GPRC5B: variants seen among roughly 807,000 people sequenced by gnomAD.
The protein encoded by GPRC5B is G protein-coupled receptor family C group 5 member B.
In GPRC5B, 16 loss-of-function variants were observed where a neutral mutation model predicts 30.1. The observed-to-expected ratio is 0.53, with a 90% CI of 0.36 to 0.81. The LOEUF (loss-of-function observed/expected upper bound fraction) is 0.81, where lower values mean the gene tolerates loss of function less well. Among genes scored for constraint, GPRC5B ranks in the 30% least tolerant of loss-of-function variants. The pLI is 0.01. For synonymous variants in GPRC5B, 241 were observed against 239.5 expected (o/e 1.01, Z -0.06); for missense variants, 428 against 544.7 (o/e 0.79, Z 2.13).
intron 1 of GPRC5B, among the ~76,000 whole-genome samples, chr16:19,878,756 G>T (rs576636960): frequency 2.0e-5 from 3 of 152,174 alleles, no homozygotes; most frequent in African/African-American, 7.2e-5. Flanking sequence ...GATAAATGTG[G>T]TCTCCAAACC....
rs909734381 is a variant in GPRC5B at position 19,872,949 on chromosome 16, C to T, written c.-1-103G>A. On this transcript the variant is annotated intron_variant, in intron 1 of 3. Coordinates refer to ENST00000300571, the MANE Select transcript of GPRC5B (RefSeq NM_016235.3). The surrounding 1 kb of genome is among the most constrained non-coding windows in gnomAD (Gnocchi z 5.0). Reference sequence around the variant, plus strand: ...TGAAGAAGACTCGCCTCATTTCAAACCTGCAAGCGCACACGGCACCTTTGC... The same window carrying T: ...TGAAGAAGACTCGCCTCATTTCAAATCTGCAAGCGCACACGGCACCTTTGC... The T allele has an allele frequency of 2.4e-6, 2 of 816,926 alleles. No homozygotes were observed. The highest frequency in any genetic ancestry group is 1.7e-5 in the African/African-American group (1 of 58,660). The allele number at this position is 816,926 out of a possible 1,614,324, so 50.6% of individuals were successfully genotyped here. A position where few individuals can be genotyped will look rare whatever the true frequency, so the allele number is the denominator to read the frequency against.
rs184157499 is a variant in GPRC5B at position 19,877,968 on chromosome 16, G to A, written c.-1-5122C>T. 1.3e-3 allele frequency among the ~76,000 whole-genome samples: 195 copies of A among 152,038 alleles called. 5 individuals carry two copies. The South Asian group carries it at 0.026, about 20-fold the overall frequency. Reference sequence around the variant, plus strand: ...AATCCCAGCACTCTGGGAGGCCGAGGCAGGCAGATCATTTAAGGACAGAAG... The same window carrying A: ...AATCCCAGCACTCTGGGAGGCCGAGACAGGCAGATCATTTAAGGACAGAAG... On this transcript the variant is annotated intron_variant, in intron 1 of 3. Transcript: ENST00000300571.
Position 19,872,674 on chromosome 16 carries a change from C to T in GPRC5B, c.172G>A (p.Val58Met). 4.3e-6 allele frequency: 7 copies of T among 1,614,176 alleles called. No individual in the cohort carries two copies. Among genetic ancestry groups the T allele is most frequent in the Non-Finnish European group, 5.9e-6 (7 of 1,180,046 alleles). The change falls in exon 2 of 4, where the codon GTG (valine) becomes ATG (methionine). Residue 58 changes from valine to methionine, a missense_variant. Physicochemically the swap from Val to Met is conservative, Grantham distance 21. Transcript: ENST00000300571. This position sits in a 1 kb window ranked among gnomAD's most constrained non-coding sequence, Gnocchi z 5.0. ...CCCGCCCCGGCCACCGCCTCCACCACAATGCCCCAGATGGCGTCCAGGTCG... is the reference window on the plus strand; with the variant it reads ...CCCGCCCCGGCCACCGCCTCCACCATAATGCCCCAGATGGCGTCCAGGTCG... ...LCDLDAIWGIVVEAVAGAGAL... is the reference protein window; with the variant it reads ...LCDLDAIWGIMVEAVAGAGAL...
Position 19,860,218 on chromosome 16 carries a change from CTAATA to C in GPRC5B, c.*277_*281del. 1 of 394,070 alleles carries C rather than the reference CTAATA, an allele frequency of 2.5e-6. No homozygotes were observed. Among genetic ancestry groups the C allele is most frequent in the South Asian group, 2.6e-5 (1 of 38,322 alleles). The allele number at this position is 394,070 out of a possible 1,614,324, so 24.4% of individuals were successfully genotyped here. Reference sequence around the variant, plus strand: ...TTCCCAGCCACATTTTCCAGTGAGCCTAATACTATTTGCAATTAGCTTTGCTTTAG... The same window carrying C: ...TTCCCAGCCACATTTTCCAGTGAGCCCTATTTGCAATTAGCTTTGCTTTAG... On this transcript the variant is annotated 3_prime_UTR_variant, in exon 4 of 4. Transcript: ENST00000300571.
upstream of GPRC5B, chr16:19,884,929 C>G: frequency 1.1e-6 from 1 of 933,426 alleles, no homozygotes. Context: ...GCCCCCGCCC[C>G]CGCCCCCGGC....
At chr16:19,882,236 GGTTA>G (rs1358268229) in intron 1 of GPRC5B, 1 of 152,196 alleles carries the variant, frequency 6.6e-6, no homozygotes, top group Non-Finnish European at 1.5e-5. Context: ...AATCCTCATA[GGTTA>G]GTAAACAGGG....
At position 19,857,745 on chromosome 16, in the gene GPRC5B, TAAAA is replaced by T. The variant is rs397937342; in HGVS notation, c.*2751_*2754del. 2.7e-4 allele frequency: 27 copies of T among 98,614 alleles called. No individual in the cohort carries two copies. Among genetic ancestry groups the T allele is most frequent in the Non-Finnish European group, 2.6e-4 (13 of 49,238 alleles). The allele number at this position is 98,614 out of a possible 1,614,324, so 6.1% of individuals were successfully genotyped here. ...CAGTGGGTCCTGACGGCATCTGGGC[TAAAA>T]AAAAAAAAAAAAAAAAGCACTGGGC... is the stretch of plus-strand genomic sequence containing the variant. On this transcript the variant is annotated 3_prime_UTR_variant, in exon 4 of 4. Transcript: ENST00000300571.
chr16:19,858,334 G>C lies in GPRC5B; in HGVS notation c.*2166C>G. 2.3e-6 allele frequency: 1 copy of C among 443,446 alleles called. No homozygotes were observed. The allele number at this position is 443,446 out of a possible 1,614,324, so 27.5% of individuals were successfully genotyped here. ...TATCAGATTTAAAAGGGGGGAAAAA[G>C]GTCTCATTAAATGAGGCTTCCCATG... is the stretch of plus-strand genomic sequence containing the variant. On this transcript the variant is annotated 3_prime_UTR_variant, in exon 4 of 4. Coordinates refer to ENST00000300571, the MANE Select transcript of GPRC5B (RefSeq NM_016235.3).
chr16:19,862,195 G>C, intron 2 of GPRC5B: 1 of 522,664 alleles, frequency 1.9e-6, no homozygotes, highest in Non-Finnish European at 3.4e-6. Context: ...AAAAGCTGCT[G>C]TAGAGACCAG....
At chr16:19,884,313 C>T (rs2056833779) in intron 1 of GPRC5B, among the ~76,000 whole-genome samples, 1 of 151,346 alleles carries the variant, frequency 6.6e-6, no homozygotes, top group Non-Finnish European at 1.5e-5. Flanking sequence ...GCCCTGTCCA[C>T]AGTCAGCCCC....
At chr16:19,860,609 C>T (rs1280977526) in intron 3 of GPRC5B, 65 bp from the exon 4 acceptor site, 21 of 1,038,466 alleles carry the variant, frequency 2.0e-5, no homozygotes, top group Non-Finnish European at 2.8e-5. Flanking sequence ...CACTAGAAAC[C>T]GATGCGTAAA....
rs1057115024 is a variant in GPRC5B at position 19,857,554 on chromosome 16, T to C, written c.*2946A>G. ...ATCTATCAAAAGTGAGCCTTAGCTC[T>C]TCATCAGTTAATAAAAAGCACCTGC... is the stretch of plus-strand genomic sequence containing the variant. On this transcript the variant is annotated 3_prime_UTR_variant, in exon 4 of 4. Coordinates refer to ENST00000300571, the MANE Select transcript of GPRC5B (RefSeq NM_016235.3). 6 of 370,912 alleles carry C rather than the reference T, an allele frequency of 1.6e-5. No individual in the cohort carries two copies. The highest frequency in any genetic ancestry group is 4.2e-5 in the Admixed American group (1 of 24,088). 23.0% of individuals were successfully genotyped at this position (370,912 alleles called of 1,614,324 possible).
chr16:19,875,583 G>C (rs1362770911), intron 1 of GPRC5B, among the ~76,000 whole-genome samples: 1 of 152,112 alleles, frequency 6.6e-6, no homozygotes, highest in Non-Finnish European at 1.5e-5. Context: ...TTTGAGACCA[G>C]CCTGGCCAGT....
intron 2 of GPRC5B, among the ~76,000 whole-genome samples, chr16:19,868,141 G>A (rs762615440): frequency 1.3e-5 from 2 of 151,858 alleles, no homozygotes; most frequent in African/African-American, 4.8e-5. Context: ...TTGGGAGGCC[G>A]AGGCGGGTGG....
chr16:19,885,477 G>C, upstream of GPRC5B: 1 of 1,138,122 alleles, frequency 8.8e-7, no homozygotes, highest in Non-Finnish European at 1.1e-6. The surrounding 1 kb of genome is among the most constrained non-coding windows in gnomAD (Gnocchi z 5.3). Flanking sequence ...GTCGTTGTCC[G>C]TTTACGCACA....
chr16:19,885,354 C>G (rs1361925483), upstream of GPRC5B: 3 of 1,198,418 alleles, frequency 2.5e-6, no homozygotes, highest in East Asian at 1.4e-4. This position sits in a 1 kb window ranked among gnomAD's most constrained non-coding sequence, Gnocchi z 5.3. Flanking sequence ...CGGTGCCTCT[C>G]GAAGTCACCA....
chr16:19,862,513 G>A (rs1180254596), intron 2 of GPRC5B, among the ~76,000 whole-genome samples: 5 of 152,118 alleles, frequency 3.3e-5, no homozygotes, highest in African/African-American at 1.2e-4. Context: ...CTGAAAGATG[G>A]GTAAAACCGG....
At chr16:19,880,426 T>TACAA (rs1226140872) in intron 1 of GPRC5B, among the ~76,000 whole-genome samples, 2 of 11,104 alleles carry the variant, frequency 1.8e-4, no homozygotes, top group East Asian at 0.03. Context: ...CTGTCTCTGT[T>TACAA]ATAAATAAAA....
upstream of GPRC5B, chr16:19,885,450 C>T: frequency 8.8e-7 from 1 of 1,135,784 alleles, no homozygotes. This position sits in a 1 kb window ranked among gnomAD's most constrained non-coding sequence, Gnocchi z 5.3. Flanking sequence ...TCTCTCCTCA[C>T]TGCCCAACTC....
Sources: allele counts gnomAD v4.1 joint callset (sites outside exome capture counted in the v4.1 genomes callset), GRCh38; gene constraint gnomAD v4.1.1; non-coding constraint Gnocchi (gnomAD v3.1); transcripts MANE v1.5; gene names NCBI Gene and HGNC (gene_info 2026-07-23, HGNC 2026-07-21).